Variants in MACROD2 observed in about 807,000 individuals in gnomAD.
The protein encoded by MACROD2 is mono-ADP ribosylhydrolase 2, also known as ADP-ribose glycohydrolase MACROD2.
Under a neutral mutation model 70.4 loss-of-function variants are expected in MACROD2, and 36 were observed. The ratio of observed to expected loss-of-function variants is 0.51; its 90% CI spans 0.39 to 0.68. The LOEUF (loss-of-function observed/expected upper bound fraction) is 0.68. Ranked by LOEUF, MACROD2 falls within the 30% of genes least tolerant of loss-of-function variation. The pLI is 0.00. For synonymous variants in MACROD2, 172 were observed against 178.8 expected, an observed-to-expected ratio of 0.96 and a Z score of 0.30; for missense variants, 496 against 538.4, an observed-to-expected ratio of 0.92 and a Z score of 0.78.
intron 2 of MACROD2, among the ~76,000 whole-genome samples, chr20:14,023,964 G>C (rs1353122489): frequency 2.0e-5 from 3 of 152,088 alleles, no homozygotes; most frequent in African/African-American, 7.2e-5. Context: ...GATGGGGATG[G>C]TATTGAATCT....
intron 5 of MACROD2, among the ~76,000 whole-genome samples, chr20:14,933,584 C>T (rs2074314910): frequency 6.6e-6 from 1 of 151,662 alleles, no homozygotes; most frequent in South Asian, 2.1e-4. Flanking sequence ...GAGCCATGAT[C>T]ATGCCACTGC....
intron 2 of MACROD2, among the ~76,000 whole-genome samples, chr20:14,062,153 C>T (rs1481574843): frequency 6.6e-6 from 1 of 152,060 alleles, no homozygotes; most frequent in Non-Finnish European, 1.5e-5. Context: ...TATTATTGTT[C>T]ACTAAAATAT....
chr20:15,352,181 C>G (rs1311058016), intron 6 of MACROD2, among the ~76,000 whole-genome samples: 1 of 152,118 alleles, frequency 6.6e-6, no homozygotes, highest in East Asian at 1.9e-4. Flanking sequence ...CAAGGCTTGG[C>G]AGGATGAGAG....
intron 3 of MACROD2, chr20:14,325,434 G>GTACA: frequency 9.9e-7 from 1 of 1,011,146 alleles, no homozygotes; most frequent in Non-Finnish European, 1.4e-6. Context: ...TATGGCAAAT[G>GTACA]TACAGTACAT....
chr20:15,522,315 G>C (rs912958536), intron 8 of MACROD2, among the ~76,000 whole-genome samples: 1 of 152,132 alleles, frequency 6.6e-6, no homozygotes, highest in African/African-American at 2.4e-5. Context: ...TCTACTGTTT[G>C]TCCTGTCTGC....
intron 4 of MACROD2, among the ~76,000 whole-genome samples, chr20:14,535,245 T>G (rs2085349730): frequency 6.6e-6 from 1 of 152,150 alleles, no homozygotes; most frequent in Admixed American, 6.5e-5. Flanking sequence ...GGCTCACGCC[T>G]GTAATCCCAG....
intron 4 of MACROD2, among the ~76,000 whole-genome samples, chr20:14,584,236 C>A (rs115029356): frequency 8.9e-4 from 136 of 152,152 alleles, no homozygotes; most frequent in African/African-American, 3.1e-3. Context: ...ATAGGGCATG[C>A]CGAGATAACT....
At chr20:15,611,356 C>A (rs550398892) in intron 8 of MACROD2, among the ~76,000 whole-genome samples, 3 of 152,130 alleles carry the variant, frequency 2.0e-5, no homozygotes, top group Non-Finnish European at 4.4e-5. Flanking sequence ...ATTCTGCCAC[C>A]AAGCTGTGTC....
chr20:14,063,237 A>T (rs867308764), intron 2 of MACROD2, among the ~76,000 whole-genome samples: 2 of 152,312 alleles, frequency 1.3e-5, no homozygotes, highest in Middle Eastern at 6.8e-3. Context: ...ATTGTAACAA[A>T]GAGATTTACT....
At chr20:15,254,192 T>A (rs1187747945) in intron 6 of MACROD2, among the ~76,000 whole-genome samples, 1 of 152,212 alleles carries the variant, frequency 6.6e-6, no homozygotes, top group African/African-American at 2.4e-5. Flanking sequence ...CCATGCCTTG[T>A]GAGGCAAAGG....
chr20:15,552,776 C>T (rs899369047), intron 8 of MACROD2: 1 of 152,132 alleles, frequency 6.6e-6, no homozygotes. Flanking sequence ...TATCTCAGTC[C>T]CTCATTGGCA....
intron 3 of MACROD2, among the ~76,000 whole-genome samples, chr20:14,264,258 T>C (rs1187337643): frequency 6.6e-6 from 1 of 152,044 alleles, no homozygotes; most frequent in African/African-American, 2.4e-5. Context: ...CAAGTAAATA[T>C]ATTGTAAGTA....
chr20:14,904,358 C>A (rs2073933635), intron 5 of MACROD2, among the ~76,000 whole-genome samples: 1 of 152,036 alleles, frequency 6.6e-6, no homozygotes, highest in South Asian at 2.1e-4. Context: ...CTGATTTTAT[C>A]CATATAAAAT....
chr20:15,199,113 G>A (rs2076632888), intron 5 of MACROD2, among the ~76,000 whole-genome samples: 1 of 150,718 alleles, frequency 6.6e-6, no homozygotes, highest in South Asian at 2.1e-4. Context: ...GCTGATGCCT[G>A]CAATCCTAGC....
chr20:15,741,056 C>T (rs1182234130), intron 8 of MACROD2, among the ~76,000 whole-genome samples: 3 of 150,788 alleles, frequency 2.0e-5, no homozygotes, highest in Admixed American at 6.6e-5. Flanking sequence ...TGGAAGAACT[C>T]CTTGCAATGG....
rs557241175 is a variant in MACROD2 at position 15,154,646 on chromosome 20, C to T, written c.419-75294C>T. On this transcript the variant is annotated intron_variant, in intron 5 of 17. Transcript: ENST00000684519. ...CTTTACAGATCCCGTCTTGTTGCAT[C>T]CTCACAAGGTGAGAAGAGAGTGAGA... Among the ~76,000 whole-genome samples the T allele has an allele frequency of 4.6e-5, 7 of 152,304 alleles. No homozygotes were observed. The South Asian group carries it at 1.5e-3, about 32-fold the overall frequency.
intron 8 of MACROD2, among the ~76,000 whole-genome samples, chr20:15,794,007 A>G (rs2063650194): frequency 2.6e-5 from 4 of 151,034 alleles, no homozygotes; most frequent in African/African-American, 9.7e-5. Context: ...GTAAAATAAG[A>G]ATGACAATAT....
At chr20:15,802,250 G>A (rs2063732961) in intron 8 of MACROD2, among the ~76,000 whole-genome samples, 1 of 152,152 alleles carries the variant, frequency 6.6e-6, no homozygotes, top group South Asian at 2.1e-4. Context: ...AATCAGAGTG[G>A]TGAAAGTCAT....
intron 3 of MACROD2, among the ~76,000 whole-genome samples, chr20:14,199,627 C>CTATG (rs1330510691): frequency 1.3e-5 from 2 of 152,178 alleles, no homozygotes; most frequent in African/African-American, 4.8e-5. Context: ...TGGTAGGTTA[C>CTATG]TATGTACCAT....
Sources: gnomAD v4.1 joint callset for allele counts (sites outside exome capture counted in the v4.1 genomes callset) on GRCh38, gnomAD v4.1.1 for gene constraint, MANE v1.5 for transcripts, NCBI Gene and HGNC (gene_info 2026-07-23, HGNC 2026-07-21) for gene names.